The following TBL1XR1 variants were observed in gnomAD, a reference collection of about 807,000 sequenced individuals.
The protein encoded by TBL1XR1 is TBL1X/Y related 1, also known as F-box-like/WD repeat-containing protein TBL1XR1.
Under a neutral mutation model 66.9 loss-of-function variants are expected in TBL1XR1, and 5 were observed. The observed-to-expected ratio is 0.07, with a 90% CI of 0.04 to 0.16. The LOEUF (loss-of-function observed/expected upper bound fraction) is 0.16. TBL1XR1 is among the 10% of genes least tolerant of loss of function. TBL1XR1 has a pLI of 1.00. For synonymous variants in TBL1XR1, 210 were observed against 206.0 expected (o/e 1.02, Z -0.17); for missense variants, 238 against 623.2 (o/e 0.38, Z 6.58).
chr3:177,137,761 G>A (rs1729165946), intron 1 of TBL1XR1, among the ~76,000 whole-genome samples: 1 of 152,174 alleles, frequency 6.6e-6, no homozygotes, highest in African/African-American at 2.4e-5. Context: ...CTTGAGTCCA[G>A]GAGTTTGAGA....
chr3:177,167,082 C>T (rs1479390876), intron 1 of TBL1XR1, among the ~76,000 whole-genome samples: 1 of 152,182 alleles, frequency 6.6e-6, no homozygotes, highest in African/African-American at 2.4e-5. Context: ...ATTGCCAAAA[C>T]TTGGAAGTAA....
At chr3:177,036,658 G>A (rs957526099) in intron 12 of TBL1XR1, among the ~76,000 whole-genome samples, 6 of 152,294 alleles carry the variant, frequency 3.9e-5, no homozygotes, top group Admixed American at 3.9e-4. Context: ...AAAGATGAAA[G>A]CATTAAGAAG....
intron 1 of TBL1XR1, among the ~76,000 whole-genome samples, chr3:177,151,442 G>C (rs901728245): frequency 2.6e-5 from 4 of 152,168 alleles, no homozygotes; most frequent in Admixed American, 2.6e-4. Context: ...TACAGCATTA[G>C]ATTCTCACAG....
At chr3:177,026,721 G>A (rs1713180631) in intron 14 of TBL1XR1, 2 of 380,470 alleles carry the variant, frequency 5.3e-6, no homozygotes, top group Non-Finnish European at 9.3e-6. Flanking sequence ...AACCATTCTT[G>A]GCTAAGGTAT....
intron 1 of TBL1XR1, among the ~76,000 whole-genome samples, chr3:177,138,849 G>C (rs1416281537): frequency 6.6e-6 from 1 of 152,172 alleles, no homozygotes; most frequent in Non-Finnish European, 1.5e-5. Flanking sequence ...AGTAACCCAA[G>C]AGAGCAGGGT....
At chr3:177,085,073 A>T (rs1424936581) in intron 2 of TBL1XR1, among the ~76,000 whole-genome samples, 1 of 152,226 alleles carries the variant, frequency 6.6e-6, no homozygotes, top group East Asian at 1.9e-4. Flanking sequence ...AATCGAAACT[A>T]AATCAGAAAA....
At chr3:177,159,856 A>G (rs1195861981) in intron 1 of TBL1XR1, among the ~76,000 whole-genome samples, 5 of 152,210 alleles carry the variant, frequency 3.3e-5, no homozygotes, top group African/African-American at 9.7e-5. Context: ...CTTCATAAGG[A>G]TGCTACGTTT....
intron 1 of TBL1XR1, among the ~76,000 whole-genome samples, chr3:177,160,411 T>C (rs1732043849): frequency 6.6e-6 from 1 of 151,664 alleles, no homozygotes; most frequent in Non-Finnish European, 1.5e-5. Flanking sequence ...GAGACTGAGC[T>C]TGCAGTGAGC....
intron 1 of TBL1XR1, among the ~76,000 whole-genome samples, chr3:177,124,472 A>T (rs1040428863): frequency 6.6e-6 from 1 of 152,152 alleles, no homozygotes; most frequent in Non-Finnish European, 1.5e-5. Context: ...TTATTTGAAA[A>T]ATCATTCTTC....
At position 177,137,026 on chromosome 3, in the gene TBL1XR1, G is replaced by A. The variant is rs567818333; in HGVS notation, c.-121-38485C>T. ...ACAGAAAAAGCACTCAGCAAGTGAC[G>A]GCAAGCAATATGACAATGACTATGC... On this transcript the variant is annotated intron_variant, in intron 1 of 15. Coordinates refer to ENST00000457928, the MANE Select transcript of TBL1XR1 (RefSeq NM_024665.7). Among the ~76,000 whole-genome samples, 10 of 152,222 alleles carry A rather than the reference G, an allele frequency of 6.6e-5. No homozygotes were observed. The East Asian group carries it at 1.5e-3, about 24-fold the overall frequency.
chr3:177,161,782 T>C (rs1446045701), intron 1 of TBL1XR1, among the ~76,000 whole-genome samples: 1 of 104,214 alleles, frequency 9.6e-6, no homozygotes. Flanking sequence ...AGACTCTGAC[T>C]CAAAAAAAAA....
intron 1 of TBL1XR1, among the ~76,000 whole-genome samples, chr3:177,107,869 A>C (rs1725075118): frequency 6.6e-6 from 1 of 152,226 alleles, no homozygotes; most frequent in African/African-American, 2.4e-5. Context: ...GCAATGGTCT[A>C]AGGCAAACTA....
At chr3:177,182,453 A>G (rs1409583260) in intron 1 of TBL1XR1, among the ~76,000 whole-genome samples, 1 of 152,202 alleles carries the variant, frequency 6.6e-6, no homozygotes, top group East Asian at 1.9e-4. Flanking sequence ...GTGAAACTGG[A>G]TGTATCTCCT....
At chr3:177,103,667 T>C (rs778416690) in intron 1 of TBL1XR1, among the ~76,000 whole-genome samples, 3 of 152,224 alleles carry the variant, frequency 2.0e-5, no homozygotes, top group Non-Finnish European at 4.4e-5. Flanking sequence ...ATGGACATTA[T>C]GGGCCCTTTT....
intron 10 of TBL1XR1, among the ~76,000 whole-genome samples, chr3:177,039,401 C>A (rs909963978): frequency 6.6e-6 from 1 of 152,084 alleles, no homozygotes; most frequent in African/African-American, 2.4e-5. Context: ...ATCATCTACT[C>A]AACTAACAAA....
chr3:177,114,003 T>C (rs945044272), intron 1 of TBL1XR1, among the ~76,000 whole-genome samples: 7 of 152,062 alleles, frequency 4.6e-5, no homozygotes, highest in Admixed American at 3.3e-4. Flanking sequence ...ACTGGGTAAA[T>C]GTTGGTCAAA....
At chr3:177,099,523 G>C (rs1379898455) in intron 1 of TBL1XR1, 1 of 152,204 alleles carries the variant, frequency 6.6e-6, no homozygotes, top group Non-Finnish European at 1.5e-5. Context: ...ACTATATATG[G>C]GAGGTTTAGC....
chr3:177,080,667 A>T (rs111483089), intron 2 of TBL1XR1, among the ~76,000 whole-genome samples: 2,546 of 152,268 alleles, frequency 0.017, 81 homozygotes, highest in African/African-American at 0.059. Context: ...ATTTTTTTAA[A>T]AGAGTGTCTC....
chr3:177,172,286 A>G (rs2108930594), intron 1 of TBL1XR1, among the ~76,000 whole-genome samples: 1 of 150,582 alleles, frequency 6.6e-6, no homozygotes, highest in Admixed American at 6.6e-5. Context: ...AAAAATTATA[A>G]CCCTTATAAC....
Sources: gnomAD v4.1 joint callset for allele counts (sites outside exome capture counted in the v4.1 genomes callset) on GRCh38, gnomAD v4.1.1 for gene constraint, MANE v1.5 for transcripts, NCBI Gene and HGNC (gene_info 2026-07-23, HGNC 2026-07-21) for gene names.